The following ZNF804A variants were observed in gnomAD, a reference collection of about 807,000 sequenced individuals.
ZNF804A encodes zinc finger protein 804A.
A neutral mutation model predicts 16.5 loss-of-function variants in ZNF804A; 2 were observed. That is an observed-to-expected ratio of 0.12 (90% CI 0.05 to 0.38). ZNF804A has a LOEUF of 0.38. ZNF804A is among the 10% of genes least tolerant of loss of function. The pLI, the probability that ZNF804A is intolerant of heterozygous loss-of-function variation, is 0.99. For synonymous variants in ZNF804A, 534 were observed against 489.6 expected, an observed-to-expected ratio of 1.09 and a Z score of -1.20; for missense variants, 1,473 against 1,390.7, an observed-to-expected ratio of 1.06 and a Z score of -0.94.
At chr2:184,930,009 G>A (rs980918883) in intron 2 of ZNF804A, among the ~76,000 whole-genome samples, 2 of 151,776 alleles carry the variant, frequency 1.3e-5, no homozygotes, top group East Asian at 1.9e-4. Context: ...TGTAAAATAC[G>A]CATAAATACA....
At chr2:184,909,854 C>G (rs1685329635) in intron 2 of ZNF804A, among the ~76,000 whole-genome samples, 2 of 152,006 alleles carry the variant, frequency 1.3e-5, no homozygotes, top group Admixed American at 1.3e-4. Context: ...TATGTGATCC[C>G]TGCAATTGTT....
intron 1 of ZNF804A, among the ~76,000 whole-genome samples, chr2:184,748,414 C>T (rs1284610520): frequency 1.3e-5 from 2 of 151,338 alleles, no homozygotes; most frequent in Non-Finnish European, 3.0e-5. Flanking sequence ...TTATTGGCCC[C>T]TTGAATGTCT....
intron 1 of ZNF804A, among the ~76,000 whole-genome samples, chr2:184,638,549 A>C (rs1446900557): frequency 2.6e-5 from 4 of 152,190 alleles, no homozygotes; most frequent in African/African-American, 9.6e-5. Flanking sequence ...TTTGAAGTTC[A>C]AAAGTATTTT....
chr2:184,777,613 A>G lies in ZNF804A; in HGVS notation c.112-88756A>G, dbSNP rs1694308986. Among the ~76,000 whole-genome samples the G allele has an allele frequency of 5.9e-5, 9 of 151,770 alleles. No individual in the cohort carries two copies. The South Asian group carries it at 1.9e-3, about 31-fold the overall frequency. ...AGATAAGCCCTAGTTAAAAAAACAA[A>G]AGAAACTCATACAACCATTCAAAAT... On this transcript the variant is annotated intron_variant, in intron 1 of 3. Coordinates refer to ENST00000302277, the MANE Select transcript of ZNF804A (RefSeq NM_194250.2).
intron 2 of ZNF804A, among the ~76,000 whole-genome samples, chr2:184,932,029 A>G (rs1685710723): frequency 1.3e-5 from 2 of 152,158 alleles, no homozygotes; most frequent in Admixed American, 6.6e-5. Context: ...CCAGTTCCCA[A>G]TAAGTTCCTC....
At chr2:184,659,828 A>C (rs2105705539) in intron 1 of ZNF804A, among the ~76,000 whole-genome samples, 1 of 152,366 alleles carries the variant, frequency 6.6e-6, no homozygotes, top group Admixed American at 6.5e-5. Flanking sequence ...TAAGTAGAAA[A>C]GTGTAAGTAC....
At chr2:184,640,265 AAGG>A (rs569618794) in intron 1 of ZNF804A, among the ~76,000 whole-genome samples, 9 of 151,374 alleles carry the variant, frequency 5.9e-5, no homozygotes, top group Non-Finnish European at 1.2e-4. Flanking sequence ...AAGAAGAAGA[AAGG>A]AGGAGGAGGA....
intron 3 of ZNF804A, 44 bp downstream of exon 3, chr2:184,933,777 A>T (rs4667000): frequency 1.3e-6 from 2 of 1,573,880 alleles, no homozygotes; most frequent in Admixed American, 4.0e-5. Flanking sequence ...AACATGACCA[A>T]AAAAGGGGTA....
At chr2:184,818,522 G>C (rs1481576860) in intron 1 of ZNF804A, among the ~76,000 whole-genome samples, 1 of 151,910 alleles carries the variant, frequency 6.6e-6, no homozygotes, top group Non-Finnish European at 1.5e-5. Flanking sequence ...TAACCAGCTA[G>C]CATCATGATG....
intron 1 of ZNF804A, among the ~76,000 whole-genome samples, chr2:184,829,763 T>G (rs1417397780): frequency 6.6e-6 from 1 of 151,144 alleles, no homozygotes; most frequent in Admixed American, 6.6e-5. Flanking sequence ...TTTTAAAACT[T>G]ATAAAATAAG....
At chr2:184,744,408 T>A (rs1424449920) in intron 1 of ZNF804A, among the ~76,000 whole-genome samples, 1 of 151,810 alleles carries the variant, frequency 6.6e-6, no homozygotes, top group Non-Finnish European at 1.5e-5. Flanking sequence ...CTTTAAAAAG[T>A]GATTAGACCA....
At chr2:184,916,655 C>T (rs2105834569) in intron 2 of ZNF804A, among the ~76,000 whole-genome samples, 1 of 152,222 alleles carries the variant, frequency 6.6e-6, no homozygotes, top group Admixed American at 6.5e-5. Flanking sequence ...GGAGACCATC[C>T]TGGTCAACAT....
intron 1 of ZNF804A, among the ~76,000 whole-genome samples, chr2:184,859,606 T>C (rs752209972): frequency 3.3e-5 from 5 of 152,260 alleles, no homozygotes; most frequent in Non-Finnish European, 7.3e-5. Context: ...CTCCATTTTC[T>C]TAGATCAGCT....
chr2:184,670,605 T>G (rs544807685), intron 1 of ZNF804A, among the ~76,000 whole-genome samples: 1 of 152,120 alleles, frequency 6.6e-6, no homozygotes, highest in Non-Finnish European at 1.5e-5. Context: ...TTATGAAGAT[T>G]TAACATTTTC....
chr2:184,888,899 T>C (rs1036192354), intron 2 of ZNF804A, among the ~76,000 whole-genome samples: 1 of 152,132 alleles, frequency 6.6e-6, no homozygotes, highest in Non-Finnish European at 1.5e-5. Flanking sequence ...TTTCATGAAT[T>C]GCTATTTTTC....
intron 1 of ZNF804A, among the ~76,000 whole-genome samples, chr2:184,788,840 T>G (rs2105777609): frequency 6.6e-6 from 1 of 152,162 alleles, no homozygotes; most frequent in African/African-American, 2.4e-5. Context: ...TCTATCTGAT[T>G]GTTCTGGCTA....
At chr2:184,721,558 G>A (rs1693316303) in intron 1 of ZNF804A, among the ~76,000 whole-genome samples, 1 of 152,032 alleles carries the variant, frequency 6.6e-6, no homozygotes, top group African/African-American at 2.4e-5. Flanking sequence ...TGTTACTATG[G>A]CTGTTATTAA....
At chr2:184,656,551 A>G (rs1220003893) in intron 1 of ZNF804A, among the ~76,000 whole-genome samples, 1 of 152,146 alleles carries the variant, frequency 6.6e-6, no homozygotes, top group African/African-American at 2.4e-5. Flanking sequence ...AACTACATTT[A>G]TAGTTAATTA....
chr2:184,723,304 G>A lies in ZNF804A; in HGVS notation c.111+124234G>A, dbSNP rs114295892. On this transcript the variant is annotated intron_variant, in intron 1 of 3. Coordinates refer to ENST00000302277, the MANE Select transcript of ZNF804A (RefSeq NM_194250.2). ...ATATCACATAATTAGCAACAGGCTCGCGTGTATCACTGTGATTGACATACA... is the reference window on the plus strand; with the variant it reads ...ATATCACATAATTAGCAACAGGCTCACGTGTATCACTGTGATTGACATACA... Among the ~76,000 whole-genome samples, 1,383 of 151,826 alleles carry A rather than the reference G, an allele frequency of 9.1e-3. 22 individuals carry two copies. The highest frequency in any genetic ancestry group is 0.032 in the African/African-American group (1,316 of 41,486).
Sources: allele counts gnomAD v4.1 joint callset (sites outside exome capture counted in the v4.1 genomes callset), GRCh38; gene constraint gnomAD v4.1.1; transcripts MANE v1.5; gene names NCBI Gene and HGNC (gene_info 2026-07-23, HGNC 2026-07-21).